HIPK2: variants seen among roughly 807,000 people sequenced by gnomAD.
HIPK2 encodes the protein homeodomain-interacting protein kinase 2.
A neutral mutation model predicts 113.7 loss-of-function variants in HIPK2; 27 were observed. The ratio of observed to expected loss-of-function variants is 0.24; its 90% CI spans 0.17 to 0.33. The LOEUF (loss-of-function observed/expected upper bound fraction) is 0.33. Ranked by LOEUF, HIPK2 falls within the 10% of genes least tolerant of loss-of-function variation. The pLI is 1.00. For synonymous variants in HIPK2, 631 were observed against 642.2 expected, an observed-to-expected ratio of 0.98 and a Z score of 0.26; for missense variants, 1,257 against 1,588.0, an observed-to-expected ratio of 0.79 and a Z score of 3.54.
chr7:139,694,299 A>C (rs1336311050), intron 2 of HIPK2, among the ~76,000 whole-genome samples: 1 of 152,170 alleles, frequency 6.6e-6, no homozygotes, highest in Non-Finnish European at 1.5e-5. Context: ...CACGCTCCAC[A>C]AGACACCAGA....
chr7:139,591,144 G>C (rs548468536), intron 12 of HIPK2, among the ~76,000 whole-genome samples: 4 of 152,234 alleles, frequency 2.6e-5, no homozygotes, highest in African/African-American at 9.6e-5. Flanking sequence ...ACCATGCCTG[G>C]CTCCTCCTTT....
At chr7:139,750,342 C>T (rs757326349) in intron 1 of HIPK2, among the ~76,000 whole-genome samples, 1 of 152,184 alleles carries the variant, frequency 6.6e-6, no homozygotes, top group South Asian at 2.1e-4. Flanking sequence ...CTTACCAGGT[C>T]GATTCCTAAA....
At chr7:139,578,264 T>C (rs1412225312) in intron 13 of HIPK2, among the ~76,000 whole-genome samples, 2 of 152,202 alleles carry the variant, frequency 1.3e-5, no homozygotes, top group Admixed American at 6.5e-5. Context: ...TGCCTTGGCC[T>C]CCCAAACTGC....
intron 2 of HIPK2, among the ~76,000 whole-genome samples, chr7:139,711,881 C>T (rs965370153): frequency 6.6e-6 from 1 of 152,370 alleles, no homozygotes; most frequent in Admixed American, 6.5e-5. Flanking sequence ...TGGGTGTCAA[C>T]ACCTGAAAGG....
chr7:139,565,697 T>C lies in HIPK2; in HGVS notation c.*7230A>G, dbSNP rs1798068573. On this transcript the variant is annotated 3_prime_UTR_variant, in exon 15 of 15. Coordinates refer to ENST00000406875, the MANE Select transcript of HIPK2 (RefSeq NM_022740.5). ...CTCTAAGTCTTGTCTTTCTTCCACC[T>C]CTACTTCTTTTTTTTTTTCTTTTTT... is the stretch of plus-strand genomic sequence containing the variant. 1.3e-5 allele frequency: 2 copies of C among 151,588 alleles called. No homozygotes were observed. Among genetic ancestry groups the C allele is most frequent in the African/African-American group, 4.8e-5 (2 of 41,334 alleles). 9.4% of individuals were successfully genotyped at this position (151,588 alleles called of 1,614,324 possible). A position where few individuals can be genotyped will look rare whatever the true frequency, so the allele number is the denominator to read the frequency against.
chr7:139,772,943 T>TAA (rs59311002), intron 1 of HIPK2, among the ~76,000 whole-genome samples: 5 of 142,874 alleles, frequency 3.5e-5, no homozygotes, highest in Admixed American at 2.1e-4. Flanking sequence ...GAACTGCCAC[T>TAA]AAAAAAAAAA....
At position 139,564,386 on chromosome 7, in the gene HIPK2, A is replaced by T. The variant is rs1444138193; in HGVS notation, c.*8541T>A. On this transcript the variant is annotated 3_prime_UTR_variant, in exon 15 of 15. Transcript: ENST00000406875. ...CTGCCTGGTGCCTGGAAATCAGTGG[A>T]TCTATTAATAAGTTAAATATTCAAA... 1 of 156,312 alleles carries T rather than the reference A, an allele frequency of 6.4e-6. No homozygotes were observed. The highest frequency in any genetic ancestry group is 2.4e-5 in the African/African-American group (1 of 41,618). The allele number at this position is 156,312 out of a possible 1,614,324, so 9.7% of individuals were successfully genotyped here.
At chr7:139,776,419 T>A (rs1585474766) in intron 1 of HIPK2, among the ~76,000 whole-genome samples, 1 of 128,888 alleles carries the variant, frequency 7.8e-6, no homozygotes, top group South Asian at 2.1e-4. Context: ...TCTTTTAAGT[T>A]TTTTTTTTTT....
chr7:139,721,821 G>A (rs1011060056), intron 1 of HIPK2, among the ~76,000 whole-genome samples: 1 of 151,924 alleles, frequency 6.6e-6, no homozygotes, highest in African/African-American at 2.4e-5. Context: ...GAACCCAGGA[G>A]GTCACGGTAG....
chr7:139,680,514 CA>C (rs1210895127), intron 2 of HIPK2, among the ~76,000 whole-genome samples: 1 of 152,156 alleles, frequency 6.6e-6, no homozygotes, highest in African/African-American at 2.4e-5. Context: ...TTGTGAGGGC[CA>C]GGGATGTTTT....
intron 1 of HIPK2, among the ~76,000 whole-genome samples, chr7:139,742,791 C>G (rs1468037792): frequency 6.6e-6 from 1 of 152,218 alleles, no homozygotes; most frequent in Non-Finnish European, 1.5e-5. Flanking sequence ...ACTTGCACAT[C>G]TAGGGGTATC....
At chr7:139,671,448 A>G (rs1802294327) in intron 2 of HIPK2, among the ~76,000 whole-genome samples, 1 of 152,240 alleles carries the variant, frequency 6.6e-6, no homozygotes, top group Non-Finnish European at 1.5e-5. Flanking sequence ...GAGTCTCCAT[A>G]AACACTGCTG....
Position 139,631,202 on chromosome 7 carries a change from C to T in HIPK2, c.1310G>A (p.Arg437His), listed in dbSNP as rs750791923. ...AGTKTTRFFN[R>H]DTDSPYPLWR... ...CAAAGGATATGGTGAGTCCGTGTCA[C>T]GGTTGAAAAACCTAGTTGTCTTTGT... Residue 437 changes from arginine (R) to histidine (H), a missense_variant, in exon 4 of 15, where the codon CGT becomes CAT. By Grantham distance (29) the Arg-to-His change is conservative. Coordinates refer to ENST00000406875, the MANE Select transcript of HIPK2 (RefSeq NM_022740.5). This position sits in a 1 kb window ranked among gnomAD's most constrained non-coding sequence, Gnocchi z 4.9. 8 of 1,613,630 alleles carry T rather than the reference C, an allele frequency of 5.0e-6. No homozygotes were observed. The highest frequency in any genetic ancestry group is 1.7e-5 in the Admixed American group (1 of 59,996).
chr7:139,609,168 T>C (rs915030657), intron 9 of HIPK2, among the ~76,000 whole-genome samples: 2 of 152,176 alleles, frequency 1.3e-5, no homozygotes, highest in African/African-American at 4.8e-5. Flanking sequence ...ACAATTTCTG[T>C]TGGTGGCCAA....
Position 139,572,951 on chromosome 7 carries a change from C to G in HIPK2, c.3573G>C (p.Lys1191Asn). 1 of 1,355,754 alleles carries G rather than the reference C, an allele frequency of 7.4e-7. No homozygotes were observed. Among genetic ancestry groups the G allele is most frequent in the Non-Finnish European group, 9.8e-7 (1 of 1,021,646 alleles). 84.0% of individuals were successfully genotyped at this position (1,355,754 alleles called of 1,614,324 possible). Reference sequence around the variant, plus strand: ...TTTATATGTAAGGGTACTGGTTGACCTTGGCGGGGCTCAGTGGGTATCCAG... The same window carrying G: ...TTTATATGTAAGGGTACTGGTTGACGTTGGCGGGGCTCAGTGGGTATCCAG... ...VYTGYPLSPAKVNQYPYI is the reference protein window; with the variant it reads ...VYTGYPLSPANVNQYPYI Residue 1191 changes from lysine (K) to asparagine (N), a missense_variant, in exon 15 of 15, where the codon AAG becomes AAC. This residue lies in a region of HIPK2 where 862 missense variants were observed against 1,004.3 expected (regional missense o/e 0.86). Transcript: ENST00000406875.
Position 139,596,848 on chromosome 7 carries a change from C to T in HIPK2, c.2586G>A (p.Val862=). 6.2e-7 allele frequency: 1 copy of T among 1,613,936 alleles called. No individual in the cohort carries two copies. Among genetic ancestry groups the T allele is most frequent in the Non-Finnish European group, 8.5e-7 (1 of 1,179,882 alleles). ...GCCGTTCCCGGGTGGTGCTGGAGGC[C>T]ACGTCGCCCCACCCACAGGTGACCG... The part of the protein sequence containing the change: ...STSVTCGWGD[V]ASSTTRERQR... Residue 862 remains valine, a synonymous_variant, in exon 12 of 15, where the codon GTG becomes GTA. Coordinates refer to ENST00000406875, the MANE Select transcript of HIPK2 (RefSeq NM_022740.5).
chr7:139,746,176 A>G (rs1039089958), intron 1 of HIPK2, among the ~76,000 whole-genome samples: 1 of 152,156 alleles, frequency 6.6e-6, no homozygotes, highest in Non-Finnish European at 1.5e-5. Flanking sequence ...ATTACATTCA[A>G]ATAAAAAAAC....
At chr7:139,580,062 T>C (rs191042915) in intron 13 of HIPK2, among the ~76,000 whole-genome samples, 18 of 152,146 alleles carry the variant, frequency 1.2e-4, no homozygotes, top group Admixed American at 7.2e-4. Flanking sequence ...AAAAGAAAAA[T>C]AGAAAGCTGC....
rs546883884 is a variant in HIPK2 at position 139,756,176 on chromosome 7, A to G, written c.19+21429T>C. Among the ~76,000 whole-genome samples, 3 of 152,348 alleles carry G rather than the reference A, an allele frequency of 2.0e-5. No individual in the cohort carries two copies. In the South Asian group the frequency reaches 6.2e-4, roughly 32 times the overall value. On this transcript the variant is annotated intron_variant, in intron 1 of 14. Coordinates refer to ENST00000406875, the MANE Select transcript of HIPK2 (RefSeq NM_022740.5). ...CATATTTTGAAAGAAAATTGGGGCA[A>G]TATAAAAATCCAATATTGTCAATCT...
Sources: gnomAD v4.1 joint callset for allele counts (sites outside exome capture counted in the v4.1 genomes callset) on GRCh38, gnomAD v4.1.1 for gene constraint, gnomAD v4.1.1 regional missense constraint, Gnocchi (gnomAD v3.1) non-coding constraint, MANE v1.5 for transcripts, NCBI Gene and HGNC (gene_info 2026-07-23, HGNC 2026-07-21) for gene names.